Variants in YEATS4 observed in about 807,000 individuals in gnomAD.
The protein encoded by YEATS4 is YEATS domain-containing protein 4.
In YEATS4, 17 loss-of-function variants were observed where a neutral mutation model predicts 30.1. The observed-to-expected ratio is 0.56, with a 90% CI of 0.39 to 0.85. YEATS4 has a LOEUF of 0.85. YEATS4 is among the 40% of genes least tolerant of loss of function. The pLI is 0.00. For missense variants in YEATS4, 142 were observed against 268.3 expected, an observed-to-expected ratio of 0.53 and a Z score of 3.29; for synonymous variants, 85 against 87.5, an observed-to-expected ratio of 0.97 and a Z score of 0.16.
chr12:69,391,293 CAA>C (rs1195261907), downstream of YEATS4, among the ~76,000 whole-genome samples: 11 of 108,386 alleles, frequency 1.0e-4, no homozygotes, highest in Non-Finnish European at 1.6e-4. Context: ...GACTTCATCT[CAA>C]AAAAAAAAAA....
chr12:69,360,076 C>G (rs116563415), intron 1 of YEATS4, 53 bp downstream of exon 1: 1 of 1,589,388 alleles, frequency 6.3e-7, no homozygotes, highest in South Asian at 1.1e-5. Flanking sequence ...CTCGGTTCCT[C>G]CCTGCGCGGC....
At chr12:69,422,461 G>A in the YEATS4 span, among the ~76,000 whole-genome samples, 1 of 151,718 alleles carries the variant, frequency 6.6e-6, no homozygotes, top group African/African-American at 2.4e-5. Context: ...GAAAAACCCT[G>A]TCCATACAAA....
the YEATS4 span, chr12:69,422,630 CAAAAAAAAA>C: frequency 1.2e-4 from 5 of 40,494 alleles, no homozygotes; most frequent in Non-Finnish European, 1.4e-4. Flanking sequence ...GACCCTGTCT[CAAAAAAAAA>C]AAAAAAAAAA....
At chr12:69,424,659 C>T in the YEATS4 span, among the ~76,000 whole-genome samples, 2 of 152,030 alleles carry the variant, frequency 1.3e-5, no homozygotes, top group East Asian at 1.9e-4. Context: ...TGAGTTCTCA[C>T]GAGATCTGAT....
At chr12:69,395,418 ATC>A (rs1274580603), downstream of YEATS4, among the ~76,000 whole-genome samples, 3 of 152,140 alleles carry the variant, frequency 2.0e-5, no homozygotes, top group African/African-American at 7.2e-5. Context: ...AATAAAGCAG[ATC>A]TATGCTGGTT....
At chr12:69,423,548 C>T in the YEATS4 span, among the ~76,000 whole-genome samples, 8 of 152,102 alleles carry the variant, frequency 5.3e-5, no homozygotes, top group Non-Finnish European at 1.2e-4. Flanking sequence ...TGGGGCATTC[C>T]GGGAATCTCA....
chr12:69,407,323 G>A, the YEATS4 span, among the ~76,000 whole-genome samples: 2 of 152,068 alleles, frequency 1.3e-5, no homozygotes, highest in Admixed American at 1.3e-4. Flanking sequence ...GACTAAATGA[G>A]AAAGTGTATG....
At chr12:69,389,090 T>C (rs1416404914) in intron 6 of YEATS4, among the ~76,000 whole-genome samples, 1 of 152,244 alleles carries the variant, frequency 6.6e-6, no homozygotes, top group Non-Finnish European at 1.5e-5. Context: ...ATTCAAATTT[T>C]AGCAGTTATT....
chr12:69,380,483 C>G (rs1323655473), intron 6 of YEATS4, among the ~76,000 whole-genome samples: 2 of 152,186 alleles, frequency 1.3e-5, no homozygotes, highest in Non-Finnish European at 2.9e-5. Flanking sequence ...GCTGAACTGC[C>G]TAGACCTGAG....
At chr12:69,399,154 A>T in the YEATS4 span, among the ~76,000 whole-genome samples, 1 of 152,148 alleles carries the variant, frequency 6.6e-6, no homozygotes, top group African/African-American at 2.4e-5. Flanking sequence ...CCCCCCCAAA[A>T]AAACAAACAA....
intron 4 of YEATS4, 27 bp from the exon 5 acceptor site, chr12:69,370,679 G>T: frequency 1.3e-6 from 2 of 1,512,390 alleles, no homozygotes; most frequent in African/African-American, 1.4e-5. Context: ...CCATTGCACA[G>T]ATTTGACATC....
chr12:69,399,445 A>C, the YEATS4 span, among the ~76,000 whole-genome samples: 1 of 152,254 alleles, frequency 6.6e-6, no homozygotes, highest in Non-Finnish European at 1.5e-5. Context: ...AATGATGATA[A>C]CACTTCACAT....
rs188498094 is a variant in YEATS4 at position 69,370,417 on chromosome 12, T to C, written c.334-289T>C. Among the ~76,000 whole-genome samples, 12 of 152,314 alleles carry C rather than the reference T, an allele frequency of 7.9e-5. No individual in the cohort carries two copies. The East Asian group carries it at 2.3e-3, about 29-fold the overall frequency. On this transcript the variant is annotated intron_variant, in intron 4 of 6. Transcript: ENST00000247843. ...TGTTTTAGTGATTTCTCAGTTTAAT[T>C]TCTATAGCTTTATCTTGTGTTATTT...
chr12:69,385,821 T>C (rs904374846), intron 6 of YEATS4, among the ~76,000 whole-genome samples: 3 of 152,230 alleles, frequency 2.0e-5, no homozygotes, highest in Admixed American at 6.5e-5. Context: ...TCTTAACTTA[T>C]TTAATACTCT....
chr12:69,359,917 AC>A lies in YEATS4; in HGVS notation c.-52del. On this transcript the variant is annotated 5_prime_UTR_variant, in exon 1 of 7. Coordinates refer to ENST00000247843, the MANE Select transcript of YEATS4 (RefSeq NM_006530.4). ...AGCGCGGTCTCTGAGGGGAGCGGCG[AC>A]CCCGCCAGCCCCGGTCTCTTTCCCT... 6.2e-7 allele frequency: 1 copy of A among 1,604,240 alleles called. No homozygotes were observed. Among genetic ancestry groups the A allele is most frequent in the South Asian group, 1.1e-5 (1 of 90,518 alleles).
intron 6 of YEATS4, among the ~76,000 whole-genome samples, chr12:69,377,070 T>G (rs1408785582): frequency 6.6e-6 from 1 of 152,174 alleles, no homozygotes; most frequent in East Asian, 1.9e-4. Context: ...TCCTTTGAGT[T>G]TTCTCTTTTT....
chr12:69,362,925 C>G lies in YEATS4; in HGVS notation c.171+18C>G, dbSNP rs1314990195. On this transcript the variant is annotated intron_variant, in intron 2 of 6. Coordinates refer to ENST00000247843, the MANE Select transcript of YEATS4 (RefSeq NM_006530.4). ...GAAATGAGGTAGGCACTCGTTTTTT[C>G]TGTAACTGTTTTACTTAAAGTTGTC... is the stretch of plus-strand genomic sequence containing the variant. 1 of 1,406,724 alleles carries G rather than the reference C, an allele frequency of 7.1e-7. No individual in the cohort carries two copies. Among genetic ancestry groups the G allele is most frequent in the African/African-American group, 1.5e-5 (1 of 65,142 alleles). 87.1% of individuals were successfully genotyped at this position (1,406,724 alleles called of 1,614,324 possible).
the YEATS4 span, among the ~76,000 whole-genome samples, chr12:69,409,233 C>T: frequency 1.3e-5 from 2 of 152,152 alleles, no homozygotes; most frequent in Non-Finnish European, 2.9e-5. Context: ...CATAATCATA[C>T]TTGCATCATG....
the YEATS4 span, among the ~76,000 whole-genome samples, chr12:69,402,706 AT>A: frequency 1.4e-5 from 2 of 138,408 alleles, no homozygotes; most frequent in African/African-American, 5.4e-5. Context: ...TTCCTTTGCT[AT>A]TTTTCTTTCT....
Sources: allele counts gnomAD v4.1 joint callset (sites outside exome capture counted in the v4.1 genomes callset), GRCh38; gene constraint gnomAD v4.1.1; transcripts MANE v1.5; gene names NCBI Gene and HGNC (gene_info 2026-07-23, HGNC 2026-07-21).